The following SOX5 variants were observed in gnomAD, a reference collection of about 807,000 sequenced individuals.
The protein encoded by SOX5 is SRY-box transcription factor 5.
SOX5 carries 9 observed loss-of-function variants against 92.0 expected under a neutral mutation model. The ratio of observed to expected loss-of-function variants is 0.10; its 90% CI spans 0.06 to 0.17. The LOEUF is 0.17. Among genes scored for constraint, SOX5 ranks in the 10% least tolerant of loss-of-function variants. The pLI is 1.00. For missense variants in SOX5, 642 were observed against 944.5 expected (o/e 0.68, Z 4.20); for synonymous variants, 344 against 336.3 (o/e 1.02, Z -0.25).
chr12:24,528,096 G>T (rs1181137873), intron 1 of SOX5, among the ~76,000 whole-genome samples: 1 of 152,132 alleles, frequency 6.6e-6, no homozygotes, highest in Non-Finnish European at 1.5e-5. Flanking sequence ...TCAAACATAG[G>T]GAATGAATAA....
chr12:24,028,293 C>A (rs941699190), intron 4 of SOX5, among the ~76,000 whole-genome samples: 1 of 151,972 alleles, frequency 6.6e-6, no homozygotes, highest in African/African-American at 2.4e-5. Context: ...ACTCCCAGCA[C>A]AGCACAGTGC....
intron 6 of SOX5, among the ~76,000 whole-genome samples, chr12:23,728,989 C>T (rs1016776811): frequency 2.6e-5 from 4 of 151,472 alleles, no homozygotes; most frequent in African/African-American, 9.7e-5. Context: ...ATATGGAACA[C>T]TGAACTCACA....
At chr12:23,751,583 A>T (rs145995586) in intron 4 of SOX5, among the ~76,000 whole-genome samples, 1 of 151,970 alleles carries the variant, frequency 6.6e-6, no homozygotes, top group African/African-American at 2.4e-5. Flanking sequence ...TATCTCAAAC[A>T]TTTACATGCC....
chr12:23,730,790 C>G (rs958411272), intron 6 of SOX5, among the ~76,000 whole-genome samples: 11 of 152,184 alleles, frequency 7.2e-5, no homozygotes, highest in African/African-American at 2.7e-4. Context: ...TACCACCACT[C>G]TTTTCATCAG....
chr12:24,387,500 G>A (rs1958544697), intron 1 of SOX5, among the ~76,000 whole-genome samples: 1 of 152,116 alleles, frequency 6.6e-6, no homozygotes, highest in Non-Finnish European at 1.5e-5. Context: ...TGCAAAAGGA[G>A]TGATGCATGG....
At chr12:24,386,528 T>C (rs575510347) in intron 1 of SOX5, among the ~76,000 whole-genome samples, 1 of 152,288 alleles carries the variant, frequency 6.6e-6, no homozygotes, top group South Asian at 2.1e-4. Flanking sequence ...TTTCTCTCTA[T>C]ATGAAATAAA....
chr12:23,734,792 G>C lies in SOX5; in HGVS notation c.742-40C>G, dbSNP rs367600825. 22 of 1,528,376 alleles carry C rather than the reference G, an allele frequency of 1.4e-5. No homozygotes were observed. The African/African-American group carries it at 3.0e-4, about 21-fold the overall frequency. The allele number at this position is 1,528,376 out of a possible 1,614,324, so 94.7% of individuals were successfully genotyped here. Reference sequence around the variant, plus strand: ...CACATGAGAAATTTACAAGTATATTGTAGTCCCGGAGGGAAGTTACTAATG... The same window carrying C: ...CACATGAGAAATTTACAAGTATATTCTAGTCCCGGAGGGAAGTTACTAATG... On this transcript the variant is annotated intron_variant, in intron 5 of 14. Transcript: ENST00000451604.
chr12:23,747,210 T>C (rs537471414), intron 4 of SOX5, among the ~76,000 whole-genome samples: 2 of 152,246 alleles, frequency 1.3e-5, no homozygotes, highest in African/African-American at 4.8e-5. Flanking sequence ...CCCTAGAACA[T>C]ATTATAAATC....
chr12:23,660,214 A>G (rs560825186), intron 7 of SOX5, among the ~76,000 whole-genome samples: 18 of 152,308 alleles, frequency 1.2e-4, no homozygotes, highest in African/African-American at 3.6e-4. Flanking sequence ...TCCTTTCAAA[A>G]CAAGATCTGT....
intron 2 of SOX5, among the ~76,000 whole-genome samples, chr12:24,367,739 A>T (rs942332320): frequency 2.6e-5 from 4 of 152,152 alleles, no homozygotes; most frequent in African/African-American, 9.6e-5. Flanking sequence ...TATGATGTTC[A>T]ATCTAAACAG....
chr12:23,534,990 G>A (rs934432133), intron 14 of SOX5, among the ~76,000 whole-genome samples: 10 of 152,072 alleles, frequency 6.6e-5, no homozygotes, highest in African/African-American at 9.7e-5. Flanking sequence ...GATTACAGGC[G>A]TGAGCCACCG....
intron 3 of SOX5, among the ~76,000 whole-genome samples, chr12:24,234,023 T>G (rs10842294): frequency 0.32 from 47,877 of 151,784 alleles, 7,931 homozygotes; most frequent in African/African-American, 0.38. Flanking sequence ...TCCAATTTGG[T>G]CTGTCCAAAT....
intron 1 of SOX5, among the ~76,000 whole-genome samples, chr12:24,429,522 T>C (rs1376711549): frequency 6.6e-6 from 1 of 151,824 alleles, no homozygotes; most frequent in African/African-American, 2.4e-5. Flanking sequence ...GGAAGAAGTA[T>C]AGAGGGGAAG....
chr12:24,000,049 C>T (rs542920765), intron 4 of SOX5, among the ~76,000 whole-genome samples: 1 of 151,404 alleles, frequency 6.6e-6, no homozygotes, highest in East Asian at 1.9e-4. Flanking sequence ...TATTTTTGGG[C>T]TCATAGCATA....
chr12:23,719,608 C>A (rs2092695080), intron 6 of SOX5, among the ~76,000 whole-genome samples: 1 of 151,528 alleles, frequency 6.6e-6, no homozygotes, highest in Admixed American at 6.6e-5. Context: ...TTTTAATTAG[C>A]TGGGCATGGA....
In SOX5 at chr12:23,956,637, G is replaced by A. The variant is rs868121400; in HGVS notation, c.-1-60613C>T. ...ATGGTTGGGGACTGCTGCACTAAGG[G>A]AGCCTCTATTACTCCTTCCTTATTA... On this transcript the variant is annotated intron_variant, in intron 4 of 4. Transcript: ENST00000446891. Among the ~76,000 whole-genome samples the A allele has an allele frequency of 5.3e-5, 8 of 152,130 alleles. 1 individual carries two copies. The Middle Eastern group carries it at 0.01, about 195-fold the overall frequency.
At chr12:23,654,544 AC>A (rs2082076302) in intron 7 of SOX5, among the ~76,000 whole-genome samples, 1 of 152,048 alleles carries the variant, frequency 6.6e-6, no homozygotes, top group Non-Finnish European at 1.5e-5. Flanking sequence ...CTTAAATCCA[AC>A]CAAGATGAAA....
At chr12:24,214,012 G>A (rs893312540) in intron 3 of SOX5, among the ~76,000 whole-genome samples, 9 of 151,468 alleles carry the variant, frequency 5.9e-5, no homozygotes, top group South Asian at 4.2e-4. Flanking sequence ...ACATTCTAAC[G>A]GGCACTGAAA....
intron 10 of SOX5, among the ~76,000 whole-genome samples, chr12:23,570,975 A>T (rs1332327949): frequency 1.1e-4 from 9 of 79,214 alleles, no homozygotes; most frequent in African/African-American, 3.5e-4. Flanking sequence ...ATATATATAT[A>T]TATATATATT....
Sources: allele counts gnomAD v4.1 joint callset (sites outside exome capture counted in the v4.1 genomes callset), GRCh38; gene constraint gnomAD v4.1.1; transcripts MANE v1.5; gene names NCBI Gene and HGNC (gene_info 2026-07-23, HGNC 2026-07-21).